Variants in AUTS2 observed in about 807,000 individuals in gnomAD.
AUTS2 encodes the protein activator of transcription and developmental regulator AUTS2.
A neutral mutation model predicts 112.4 loss-of-function variants in AUTS2; 17 were observed. The ratio of observed to expected loss-of-function variants is 0.15; its 90% CI spans 0.10 to 0.23. The LOEUF (loss-of-function observed/expected upper bound fraction) is 0.23. AUTS2 is among the 10% of genes least tolerant of loss of function. AUTS2 has a pLI of 1.00. For synonymous variants in AUTS2, 751 were observed against 702.7 expected, an observed-to-expected ratio of 1.07 and a Z score of -1.09; for missense variants, 1,510 against 1,701.6, an observed-to-expected ratio of 0.89 and a Z score of 1.98.
chr7:69,991,384 G>C (rs1165226981), intron 2 of AUTS2, among the ~76,000 whole-genome samples: 3 of 152,178 alleles, frequency 2.0e-5, no homozygotes, highest in African/African-American at 7.2e-5. Flanking sequence ...AATTAGCTGT[G>C]ATCCATAGGA....
At chr7:69,640,308 C>T (rs1314509485) in intron 1 of AUTS2, among the ~76,000 whole-genome samples, 1 of 152,188 alleles carries the variant, frequency 6.6e-6, no homozygotes, top group East Asian at 1.9e-4. Context: ...TCTTGATCTC[C>T]CCAGCCGGGG....
At chr7:70,386,137 C>G (rs1156911065) in intron 4 of AUTS2, among the ~76,000 whole-genome samples, 1 of 152,168 alleles carries the variant, frequency 6.6e-6, no homozygotes, top group Non-Finnish European at 1.5e-5. Flanking sequence ...TACTGAGAAG[C>G]CCAGTAGTTC....
chr7:70,310,797 G>T (rs1323489644), intron 4 of AUTS2, among the ~76,000 whole-genome samples: 2 of 152,066 alleles, frequency 1.3e-5, no homozygotes, highest in Admixed American at 1.3e-4. Flanking sequence ...TGATGAATTG[G>T]CTCCTGGCTC....
intron 4 of AUTS2, among the ~76,000 whole-genome samples, chr7:70,299,946 GA>G (rs2129613294): frequency 6.6e-6 from 1 of 152,004 alleles, no homozygotes; most frequent in East Asian, 1.9e-4. Flanking sequence ...ATCTGTCAAT[GA>G]CACAGAAATC....
intron 7 of AUTS2, among the ~76,000 whole-genome samples, chr7:70,764,145 C>T (rs753411472): frequency 7.2e-5 from 11 of 152,076 alleles, no homozygotes; most frequent in African/African-American, 2.2e-4. Context: ...TTGGTGGTTC[C>T]GGGCCTTGCT....
intron 5 of AUTS2, among the ~76,000 whole-genome samples, chr7:70,573,476 G>T (rs1057298941): frequency 9.9e-5 from 15 of 152,228 alleles, no homozygotes; most frequent in African/African-American, 3.4e-4. Context: ...TTGATTAGGG[G>T]AGATTTGATT....
intron 1 of AUTS2, among the ~76,000 whole-genome samples, chr7:69,879,120 CTGTGTGTG>C (rs5884770): frequency 0.25 from 37,510 of 147,652 alleles, 4,697 homozygotes; most frequent in Middle Eastern, 0.27. Flanking sequence ...TTGAGACTTT[CTGTGTGTG>C]TGTGTGTGTG....
At chr7:70,741,136 G>A (rs1235240821) in intron 6 of AUTS2, among the ~76,000 whole-genome samples, 1 of 151,538 alleles carries the variant, frequency 6.6e-6, no homozygotes, top group Non-Finnish European at 1.5e-5. Flanking sequence ...CTTTTCCCTG[G>A]GATGACTGTT....
At chr7:70,674,481 A>G (rs1166263041) in intron 5 of AUTS2, among the ~76,000 whole-genome samples, 2 of 152,216 alleles carry the variant, frequency 1.3e-5, no homozygotes, top group East Asian at 1.9e-4. Flanking sequence ...TTTTAAAAAA[A>G]GAAGAGGGAG....
intron 4 of AUTS2, among the ~76,000 whole-genome samples, chr7:70,305,206 T>C (rs1455509488): frequency 6.6e-6 from 1 of 152,152 alleles, no homozygotes; most frequent in African/African-American, 2.4e-5. Flanking sequence ...GGTTATTACT[T>C]TGCACTGCAT....
intron 2 of AUTS2, among the ~76,000 whole-genome samples, chr7:70,107,740 G>T (rs1216147785): frequency 1.3e-5 from 2 of 151,262 alleles, no homozygotes; most frequent in Non-Finnish European, 1.5e-5. Flanking sequence ...TAGGCCAGAT[G>T]TGGTGGCTCA....
intron 4 of AUTS2, among the ~76,000 whole-genome samples, chr7:70,387,879 G>A (rs1210916027): frequency 1.3e-5 from 2 of 152,148 alleles, no homozygotes; most frequent in Non-Finnish European, 2.9e-5. Flanking sequence ...CGGCCAGATA[G>A]CAGTCCTCCT....
intron 5 of AUTS2, among the ~76,000 whole-genome samples, chr7:70,648,752 T>G (rs1380144553): frequency 6.6e-6 from 1 of 152,112 alleles, no homozygotes; most frequent in Admixed American, 6.5e-5. Flanking sequence ...CAGCTAATTT[T>G]TTTTTAAATT....
chr7:70,230,267 T>G (rs575253351), intron 4 of AUTS2, among the ~76,000 whole-genome samples: 1 of 152,292 alleles, frequency 6.6e-6, no homozygotes, highest in South Asian at 2.1e-4. Flanking sequence ...TGTTTTTGCT[T>G]GTTTTGGGTT....
chr7:70,306,241 G>A (rs963488932), intron 4 of AUTS2, among the ~76,000 whole-genome samples: 1 of 152,178 alleles, frequency 6.6e-6, no homozygotes, highest in African/African-American at 2.4e-5. Flanking sequence ...GGTCTGATTG[G>A]TGAGTGATGG....
chr7:70,077,786 C>T (rs949415297), intron 2 of AUTS2, among the ~76,000 whole-genome samples: 3 of 152,126 alleles, frequency 2.0e-5, no homozygotes, highest in African/African-American at 7.2e-5. Context: ...GATTGTTTTA[C>T]CCCTTCTGGA....
At chr7:69,853,590 T>C (rs990841972) in intron 1 of AUTS2, among the ~76,000 whole-genome samples, 5 of 152,142 alleles carry the variant, frequency 3.3e-5, no homozygotes, top group African/African-American at 1.2e-4. Context: ...TTTTAATTGG[T>C]ATATTTAGTC....
At chr7:70,785,265 C>T in intron 16 of AUTS2, 1 of 615,554 alleles carries the variant, frequency 1.6e-6, no homozygotes, top group South Asian at 1.8e-5. Context: ...CTGAACTTCC[C>T]ATGGTGCAGT....
At chr7:70,083,153 A>T (rs930824322) in intron 2 of AUTS2, among the ~76,000 whole-genome samples, 2 of 152,010 alleles carry the variant, frequency 1.3e-5, no homozygotes, top group Non-Finnish European at 2.9e-5. Context: ...TTTTCTTGAT[A>T]CTTTGTGGAT....
Sources: allele counts gnomAD v4.1 joint callset (sites outside exome capture counted in the v4.1 genomes callset), GRCh38; gene constraint gnomAD v4.1.1; transcripts MANE v1.5; gene names NCBI Gene and HGNC (gene_info 2026-07-23, HGNC 2026-07-21).